The following DOCK3 variants were observed in gnomAD, a reference collection of about 807,000 sequenced individuals.
The protein encoded by DOCK3 is dedicator of cytokinesis protein 3.
DOCK3 carries 60 observed loss-of-function variants against 265.6 expected under a neutral mutation model. The ratio of observed to expected loss-of-function variants is 0.23; its 90% CI spans 0.18 to 0.28. The LOEUF is 0.28. DOCK3 is among the 10% of genes least tolerant of loss of function. The pLI is 1.00. For synonymous variants in DOCK3, 881 were observed against 938.0 expected (o/e 0.94, Z 1.11); for missense variants, 1,981 against 2,594.3 (o/e 0.76, Z 5.14).
At chr3:50,738,545 A>T (rs1458779142) in intron 1 of DOCK3, among the ~76,000 whole-genome samples, 1 of 152,214 alleles carries the variant, frequency 6.6e-6, no homozygotes, top group Non-Finnish European at 1.5e-5. Flanking sequence ...TTAAAGAATG[A>T]CCTCTGCTTT....
chr3:50,684,487 T>G (rs2034640708), intron 1 of DOCK3, among the ~76,000 whole-genome samples: 1 of 152,252 alleles, frequency 6.6e-6, no homozygotes, highest in African/African-American at 2.4e-5. Flanking sequence ...CCCTTGGCCT[T>G]TCTCTTTCTT....
chr3:51,074,782 T>G (rs1325483316), intron 6 of DOCK3, among the ~76,000 whole-genome samples: 2 of 152,028 alleles, frequency 1.3e-5, no homozygotes, highest in African/African-American at 2.4e-5. Flanking sequence ...ATGGCACACG[T>G]TCACCTGTGT....
At chr3:51,362,928 T>C (rs953009155) in intron 49 of DOCK3, among the ~76,000 whole-genome samples, 1 of 152,228 alleles carries the variant, frequency 6.6e-6, no homozygotes, top group Non-Finnish European at 1.5e-5. Context: ...GACACACAGC[T>C]TAGAAGAAAG....
At chr3:50,753,476 A>ACTATAAGTGTGTG (rs1417031689) in intron 1 of DOCK3, among the ~76,000 whole-genome samples, 1 of 151,988 alleles carries the variant, frequency 6.6e-6, no homozygotes, top group East Asian at 1.9e-4. Flanking sequence ...CCAAGTTGGG[A>ACTATAAGTGTGTG]CTATAAGTGT....
intron 25 of DOCK3, among the ~76,000 whole-genome samples, chr3:51,276,685 T>C (rs1043935394): frequency 6.6e-5 from 10 of 152,104 alleles, no homozygotes; most frequent in African/African-American, 2.2e-4. Context: ...AGCAGAGATA[T>C]TATCTCTCGT....
intron 5 of DOCK3, among the ~76,000 whole-genome samples, chr3:51,014,424 A>C (rs1040661617): frequency 6.6e-6 from 1 of 152,130 alleles, no homozygotes; most frequent in African/African-American, 2.4e-5. Context: ...CATTCTGTAT[A>C]GTGCTTCCAG....
At chr3:51,098,249 G>A (rs2082943823) in intron 9 of DOCK3, among the ~76,000 whole-genome samples, 1 of 152,234 alleles carries the variant, frequency 6.6e-6, no homozygotes, top group Admixed American at 6.5e-5. Flanking sequence ...TAGAAATGGG[G>A]TTTCACCATG....
intron 9 of DOCK3, among the ~76,000 whole-genome samples, chr3:51,103,430 A>AT (rs951649431): frequency 5.3e-5 from 8 of 152,234 alleles, no homozygotes; most frequent in Non-Finnish European, 1.2e-4. Flanking sequence ...CGTCCTGTTT[A>AT]TTCAACAAAA....
chr3:51,160,082 C>G (rs1262307961), intron 11 of DOCK3, among the ~76,000 whole-genome samples: 3 of 152,242 alleles, frequency 2.0e-5, no homozygotes, highest in Non-Finnish European at 2.9e-5. Flanking sequence ...CTTTCTAAGA[C>G]TACTCTCAGT....
At chr3:51,172,853 AC>A (rs1430504734) in intron 12 of DOCK3, among the ~76,000 whole-genome samples, 1 of 152,148 alleles carries the variant, frequency 6.6e-6, no homozygotes, top group Non-Finnish European at 1.5e-5. Context: ...GTTACATAAA[AC>A]ATTTTATAAT....
At chr3:50,847,861 T>G in intron 3 of DOCK3, among the ~76,000 whole-genome samples, 1 of 116,240 alleles carries the variant, frequency 8.6e-6, no homozygotes, top group East Asian at 2.5e-4. Flanking sequence ...CCAGCCTGGG[T>G]GACAGAACGA....
chr3:50,972,193 C>T (rs2077259268), intron 5 of DOCK3, among the ~76,000 whole-genome samples: 2 of 152,332 alleles, frequency 1.3e-5, no homozygotes, highest in South Asian at 4.2e-4. Context: ...CTGGGAGGGG[C>T]CCTGCATTTT....
chr3:51,234,570 C>T (rs1374994580), intron 19 of DOCK3, among the ~76,000 whole-genome samples: 3 of 152,136 alleles, frequency 2.0e-5, no homozygotes, highest in Non-Finnish European at 1.5e-5. Context: ...AGTTTATTAA[C>T]TTTTAAAAAC....
At chr3:50,798,062 A>C (rs898182654) in intron 2 of DOCK3, among the ~76,000 whole-genome samples, 3 of 152,240 alleles carry the variant, frequency 2.0e-5, no homozygotes, top group Admixed American at 2.0e-4. Flanking sequence ...CCACAGTATA[A>C]ATAAATGCAA....
intron 1 of DOCK3, among the ~76,000 whole-genome samples, chr3:50,765,454 ATTTAT>A (rs1158145026): frequency 1.3e-5 from 2 of 152,086 alleles, no homozygotes; most frequent in African/African-American, 4.8e-5. Context: ...TAACTTGTAG[ATTTAT>A]TCTTCATGAT....
intron 2 of DOCK3, among the ~76,000 whole-genome samples, chr3:50,826,831 G>A (rs1384371309): frequency 1.3e-5 from 2 of 152,148 alleles, no homozygotes; most frequent in African/African-American, 2.4e-5. Flanking sequence ...AGAAAATAAA[G>A]TAAAAAGACA....
intron 17 of DOCK3, 36 bp from the exon 18 acceptor site, chr3:51,228,625 C>A: frequency 6.3e-7 from 1 of 1,597,872 alleles, no homozygotes; most frequent in Non-Finnish European, 8.5e-7. Flanking sequence ...TGTTGCATGG[C>A]TCAGGGGACA....
chr3:51,287,574 A>C (rs996438524), intron 27 of DOCK3, among the ~76,000 whole-genome samples: 4 of 152,144 alleles, frequency 2.6e-5, no homozygotes, highest in Non-Finnish European at 4.4e-5. Flanking sequence ...AAAATTAAAA[A>C]ATTAAAAGTC....
At chr3:51,096,637 A>G (rs2082869649) in intron 9 of DOCK3, among the ~76,000 whole-genome samples, 1 of 152,158 alleles carries the variant, frequency 6.6e-6, no homozygotes, top group Admixed American at 6.5e-5. Flanking sequence ...TCTGAAGCCT[A>G]CTTCTGTCAA....
Sources: allele counts gnomAD v4.1 joint callset (sites outside exome capture counted in the v4.1 genomes callset), GRCh38; gene constraint gnomAD v4.1.1; transcripts MANE v1.5; gene names NCBI Gene and HGNC (gene_info 2026-07-23, HGNC 2026-07-21).